The following PRKCB variants were observed in gnomAD, a reference collection of about 807,000 sequenced individuals.
PRKCB encodes protein kinase C beta type.
A neutral mutation model predicts 81.5 loss-of-function variants in PRKCB; 13 were observed. That is an observed-to-expected ratio of 0.16 (90% confidence interval 0.10 to 0.25). PRKCB has a LOEUF of 0.25. Ranked by LOEUF, PRKCB falls within the 10% of genes least tolerant of loss-of-function variation. The pLI is 1.00. For synonymous variants in PRKCB, 335 were observed against 321.4 expected (o/e 1.04, Z -0.45); for missense variants, 509 against 875.7 (o/e 0.58, Z 5.29).
intron 13 of PRKCB, among the ~76,000 whole-genome samples, chr16:24,182,254 C>T (rs1331699006): frequency 3.3e-5 from 5 of 152,080 alleles, no homozygotes; most frequent in Non-Finnish European, 7.4e-5. Context: ...CATGGTGGCT[C>T]ACTCCTGTAA....
intron 7 of PRKCB, among the ~76,000 whole-genome samples, chr16:24,097,426 T>C (rs1438753084): frequency 1.3e-5 from 2 of 152,154 alleles, no homozygotes; most frequent in African/African-American, 2.4e-5. Flanking sequence ...CATGACTTCA[T>C]GGAGCTTAGC....
chr16:24,192,439 G>A (rs1967808432), intron 16 of PRKCB, among the ~76,000 whole-genome samples: 4 of 152,168 alleles, frequency 2.6e-5, no homozygotes, highest in Admixed American at 2.6e-4. Flanking sequence ...AGCTTTTATG[G>A]GACCATTTGG....
At position 24,021,475 on chromosome 16, in the gene PRKCB, T is replaced by A. The variant is rs144657004; in HGVS notation, c.289-10661T>A. Among the ~76,000 whole-genome samples the A allele has an allele frequency of 4.3e-3, 648 of 151,136 alleles. 8 individuals carry two copies. The highest frequency in any genetic ancestry group is 0.015 in the African/African-American group (628 of 41,082). ...ATCTGCCTGTCTTTGATGCTGGGGA[T>A]TGTTTTTCACTATAAAGACTCTGGT... On this transcript the variant is annotated intron_variant, in intron 3 of 16. Transcript: ENST00000643927.
intron 7 of PRKCB, chr16:24,098,548 G>A (rs1966468915): frequency 6.6e-6 from 1 of 152,206 alleles, no homozygotes; most frequent in Non-Finnish European, 1.5e-5. Flanking sequence ...TCAGGAGTTT[G>A]AGACGAGCCT....
chr16:23,865,983 G>T (rs1962783873), intron 2 of PRKCB, among the ~76,000 whole-genome samples: 1 of 152,090 alleles, frequency 6.6e-6, no homozygotes, highest in South Asian at 2.1e-4. Context: ...GGGATCCTGT[G>T]GGATTCTATC....
At chr16:24,148,034 G>T (rs1967021203) in intron 9 of PRKCB, among the ~76,000 whole-genome samples, 1 of 152,026 alleles carries the variant, frequency 6.6e-6, no homozygotes. Context: ...AGAGACAATT[G>T]TCTGCTACAT....
At chr16:23,978,809 C>T (rs977214387) in intron 2 of PRKCB, among the ~76,000 whole-genome samples, 2 of 152,154 alleles carry the variant, frequency 1.3e-5, no homozygotes, top group African/African-American at 2.4e-5. Context: ...TGTCTCCAGA[C>T]GCATGTGGCA....
At chr16:23,966,141 C>A (rs1387279588) in intron 2 of PRKCB, among the ~76,000 whole-genome samples, 1 of 152,236 alleles carries the variant, frequency 6.6e-6, no homozygotes, top group African/African-American at 2.4e-5. Context: ...GGCTTCACAT[C>A]CAATTAAGTC....
chr16:24,196,312 G>T (rs1303767274), intron 16 of PRKCB, among the ~76,000 whole-genome samples: 1 of 152,198 alleles, frequency 6.6e-6, no homozygotes, highest in South Asian at 2.1e-4. Context: ...ATATTAGAGT[G>T]CATGGTGTTT....
rs896286299 is a variant in PRKCB at position 24,010,823 on chromosome 16, T to C, written c.289-21313T>C. ...AGGCTCCTGTTAGACTCACCTTCAC[T>C]TATATTTGGTCAATTACCTACTCCC... On this transcript the variant is annotated intron_variant, in intron 3 of 16. Coordinates refer to ENST00000643927, the MANE Select transcript of PRKCB (RefSeq NM_002738.7). Among the ~76,000 whole-genome samples the C allele has an allele frequency of 3.3e-5, 5 of 152,296 alleles. No individual in the cohort carries two copies. The East Asian group carries it at 9.6e-4, about 29-fold the overall frequency.
At chr16:24,182,276 T>G (rs917219298) in intron 13 of PRKCB, among the ~76,000 whole-genome samples, 4 of 152,062 alleles carry the variant, frequency 2.6e-5, no homozygotes, top group African/African-American at 9.7e-5. Flanking sequence ...CTCAGCACTT[T>G]GGGAGCCTGA....
At chr16:24,192,606 C>T (rs749747418) in intron 16 of PRKCB, among the ~76,000 whole-genome samples, 9 of 152,198 alleles carry the variant, frequency 5.9e-5, no homozygotes, top group East Asian at 1.9e-4. Flanking sequence ...CAGATGCACA[C>T]GCTCCCATCC....
intron 3 of PRKCB, among the ~76,000 whole-genome samples, chr16:24,000,987 CGG>C (rs1303611466): frequency 1.1e-5 from 1 of 88,340 alleles, no homozygotes; most frequent in Non-Finnish European, 2.3e-5. Context: ...CTAAATAAAG[CGG>C]TTTTTTTTTT....
At chr16:24,210,744 C>T (rs764129273) in intron 16 of PRKCB, among the ~76,000 whole-genome samples, 1 of 152,198 alleles carries the variant, frequency 6.6e-6, no homozygotes, top group African/African-American at 2.4e-5. Flanking sequence ...AAGTGATCCA[C>T]CATCCTCGGC....
chr16:24,051,709 T>A (rs557675049), intron 5 of PRKCB, among the ~76,000 whole-genome samples: 1 of 151,576 alleles, frequency 6.6e-6, no homozygotes, highest in East Asian at 1.9e-4. Context: ...CCCCTGTCCC[T>A]AAAAAAAATT....
chr16:24,037,250 A>G (rs1965635042), intron 5 of PRKCB, among the ~76,000 whole-genome samples: 1 of 152,108 alleles, frequency 6.6e-6, no homozygotes, highest in African/African-American at 2.4e-5. Flanking sequence ...CGGCCTCCCA[A>G]AGTGCTGGGA....
At position 23,836,116 on chromosome 16, in the gene PRKCB, GCCCGCGGT is replaced by G. The variant is rs1440831135; in HGVS notation, c.-52_-45del. On this transcript the variant is annotated 5_prime_UTR_variant, in exon 1 of 17. Transcript: ENST00000643927. The stretch of plus-strand genomic sequence containing the variant: ...GCCTCCCGCGCCTCCCCGGCCCGCA[GCCCGCGGT>G]CCCGCGGCCCCGGGGCCGGCACCTC... 1.8e-6 allele frequency: 2 copies of G among 1,139,406 alleles called. No homozygotes were observed. Among genetic ancestry groups the G allele is most frequent in the Non-Finnish European group, 2.2e-6 (2 of 921,726 alleles). 70.6% of individuals were successfully genotyped at this position (1,139,406 alleles called of 1,614,324 possible).
At chr16:23,985,540 A>G (rs1964792955) in intron 2 of PRKCB, among the ~76,000 whole-genome samples, 1 of 152,250 alleles carries the variant, frequency 6.6e-6, no homozygotes, top group Admixed American at 6.5e-5. Flanking sequence ...AGAGTTCAAC[A>G]AGGGGACAAT....
chr16:23,997,183 A>G (rs1359577706), intron 3 of PRKCB, among the ~76,000 whole-genome samples: 1 of 152,186 alleles, frequency 6.6e-6, no homozygotes, highest in Non-Finnish European at 1.5e-5. Flanking sequence ...ACAGGCCAAG[A>G]AGGAAGTTAT....
Sources: gnomAD v4.1 joint callset for allele counts (sites outside exome capture counted in the v4.1 genomes callset) on GRCh38, gnomAD v4.1.1 for gene constraint, MANE v1.5 for transcripts, NCBI Gene and HGNC (gene_info 2026-07-23, HGNC 2026-07-21) for gene names.